SHCBP1: variants seen among roughly 807,000 people sequenced by gnomAD.
SHCBP1 encodes SHC SH2 domain-binding protein 1.
SHCBP1 carries 60 observed loss-of-function variants against 75.1 expected under a neutral mutation model. The observed-to-expected ratio is 0.80, with a 90% CI of 0.65 to 0.99. SHCBP1 has a LOEUF of 0.99. Among genes scored for constraint, SHCBP1 ranks in the 50% least tolerant of loss-of-function variants. The pLI is 0.00. For synonymous variants in SHCBP1, 290 were observed against 293.2 expected (o/e 0.99, Z 0.11); for missense variants, 709 against 809.4 (o/e 0.88, Z 1.50).
chr16:46,617,625 T>G lies in SHCBP1; in HGVS notation c.387+9A>C. On this transcript the variant is annotated intron_variant, in intron 3 of 12. Transcript: ENST00000303383. The stretch of plus-strand genomic sequence containing the variant: ...AGAGACAAAGGTCTAATAACAAAAT[T>G]AACCTTACCTCAACCAGCACCTTGA... 1 of 1,610,992 alleles carries G rather than the reference T, an allele frequency of 6.2e-7. No individual in the cohort carries two copies. The highest frequency in any genetic ancestry group is 1.3e-5 in the African/African-American group (1 of 74,962).
chr16:46,597,402 T>TA (rs1965160684), intron 9 of SHCBP1, among the ~76,000 whole-genome samples: 1 of 151,716 alleles, frequency 6.6e-6, no homozygotes, highest in Non-Finnish European at 1.5e-5. Context: ...AGACTGTCTC[T>TA]AAAAACAAAA....
chr16:46,583,942 C>A (rs1964910056), intron 11 of SHCBP1, 61 bp downstream of exon 11: 1 of 1,387,910 alleles, frequency 7.2e-7, no homozygotes, highest in Non-Finnish European at 1.0e-6. Context: ...TTTAATAAAG[C>A]ATAATTTGTA....
At position 46,581,647 on chromosome 16, in the gene SHCBP1, C is replaced by T; in HGVS notation, c.*82G>A. The T allele has an allele frequency of 2.4e-6, 3 of 1,255,734 alleles. No individual in the cohort carries two copies. The highest frequency in any genetic ancestry group is 4.7e-5 in the East Asian group (2 of 42,870). The allele number at this position is 1,255,734 out of a possible 1,614,324, so 77.8% of individuals were successfully genotyped here. ...AATCAAATATAAAATACAGACAATA[C>T]AGCAAACTACAATGGCAGCAGTGAT... On this transcript the variant is annotated 3_prime_UTR_variant, in exon 13 of 13. Transcript: ENST00000303383.
intron 10 of SHCBP1, among the ~76,000 whole-genome samples, chr16:46,589,103 C>T (rs1003844694): frequency 1.3e-5 from 2 of 152,136 alleles, no homozygotes; most frequent in African/African-American, 4.8e-5. Flanking sequence ...CAGAAAAGGC[C>T]TTCAACAAAA....
At position 46,580,561 on chromosome 16, in the gene SHCBP1, AT is replaced by A. The variant is rs1215349691; in HGVS notation, c.*1167del. The stretch of plus-strand genomic sequence containing the variant: ...AGATATAACAAGATTCAATTTTGTT[AT>A]TTCATCACTATAATTTTAATCATTA... On this transcript the variant is annotated 3_prime_UTR_variant, in exon 13 of 13. Transcript: ENST00000303383. 6.6e-6 allele frequency: 1 copy of A among 152,254 alleles called. No individual in the cohort carries two copies. Among genetic ancestry groups the A allele is most frequent in the African/African-American group, 2.4e-5 (1 of 41,564 alleles). The allele number at this position is 152,254 out of a possible 1,614,324, so 9.4% of individuals were successfully genotyped here.
intron 4 of SHCBP1, among the ~76,000 whole-genome samples, chr16:46,610,706 G>A (rs950640838): frequency 2.6e-5 from 4 of 151,064 alleles, no homozygotes; most frequent in Admixed American, 1.3e-4. Context: ...TTACAGGCAC[G>A]CGCTACCACG....
chr16:46,583,884 T>C, intron 11 of SHCBP1, 119 bp downstream of exon 11: 1 of 946,206 alleles, frequency 1.1e-6, no homozygotes, highest in African/African-American at 1.7e-5. Context: ...ATTATCAAAA[T>C]GTGTACACTG....
chr16:46,610,013 C>T (rs1384286036), intron 4 of SHCBP1, among the ~76,000 whole-genome samples: 3 of 151,188 alleles, frequency 2.0e-5, no homozygotes, highest in Non-Finnish European at 4.4e-5. Flanking sequence ...TGCAACGGTG[C>T]GATCTCGTCT....
At position 46,617,651 on chromosome 16, in the gene SHCBP1, A is replaced by ACACATTAG. The variant is rs747305969; in HGVS notation, c.362_369dup (p.Phe124LeufsTer18). 3 of 1,613,980 alleles carry ACACATTAG rather than the reference A, an allele frequency of 1.9e-6. No individual in the cohort carries two copies. The highest frequency in any genetic ancestry group is 2.5e-6 in the Non-Finnish European group (3 of 1,179,990). ...AACCTTACCTCAACCAGCACCTTGAACACATTAGTGTGCCAGACTGCCCGC... is the reference window on the plus strand; with the variant it reads ...AACCTTACCTCAACCAGCACCTTGAACACATTAGCACATTAGTGTGCCAGACTGCCCGC... On this transcript the variant is annotated frameshift_variant, in exon 3 of 13. Transcript: ENST00000303383. LOFTEE classifies it high-confidence loss of function.
intron 9 of SHCBP1, among the ~76,000 whole-genome samples, chr16:46,599,316 TTGAA>T (rs964094740): frequency 6.6e-6 from 1 of 152,166 alleles, no homozygotes; most frequent in Admixed American, 6.5e-5. Flanking sequence ...TTCCTTTCAC[TTGAA>T]CACATAGATG....
chr16:46,597,982 G>T (rs1162672447), intron 9 of SHCBP1, among the ~76,000 whole-genome samples: 1 of 152,138 alleles, frequency 6.6e-6, no homozygotes, highest in Non-Finnish European at 1.5e-5. Context: ...TTCCAATTTT[G>T]TTATAAGATT....
chr16:46,582,619 A>G (rs901375899), intron 12 of SHCBP1, among the ~76,000 whole-genome samples: 4 of 152,234 alleles, frequency 2.6e-5, no homozygotes, highest in African/African-American at 9.6e-5. Context: ...GCAAACAGCC[A>G]GCAGCCAGCA....
intron 4 of SHCBP1, among the ~76,000 whole-genome samples, chr16:46,613,455 C>T (rs1292214519): frequency 1.3e-5 from 2 of 152,170 alleles, no homozygotes; most frequent in African/African-American, 4.8e-5. Context: ...CACTGTCTGG[C>T]CCCTGCCAGC....
chr16:46,610,385 C>T (rs917227602), intron 4 of SHCBP1, among the ~76,000 whole-genome samples: 2 of 151,866 alleles, frequency 1.3e-5, no homozygotes, highest in Admixed American at 6.6e-5. Context: ...TTGACTTGTT[C>T]CAATCAGGCA....
At chr16:46,599,552 T>C (rs182263997) in intron 9 of SHCBP1, among the ~76,000 whole-genome samples, 9 of 151,724 alleles carry the variant, frequency 5.9e-5, no homozygotes, top group African/African-American at 2.2e-4. Context: ...ATCAGCATAT[T>C]ATCTATATTG....
rs754658843 is a variant in SHCBP1, at chr16:46,581,566, T to C, written c.*163A>G. 1.4e-5 allele frequency: 9 copies of C among 628,672 alleles called. No homozygotes were observed. The highest frequency in any genetic ancestry group is 2.2e-5 in the Non-Finnish European group (8 of 369,030). The allele number at this position is 628,672 out of a possible 1,614,324, so 38.9% of individuals were successfully genotyped here. ...TGATTTTTCTTATAAAGAGGGAGTG[T>C]TTTATGTGCAACACCTGCAAATGGA... On this transcript the variant is annotated 3_prime_UTR_variant, in exon 13 of 13. Coordinates refer to ENST00000303383, the MANE Select transcript of SHCBP1 (RefSeq NM_024745.5).
At chr16:46,618,457 C>T in intron 1 of SHCBP1, 85 bp from the exon 2 acceptor site, 1 of 1,365,420 alleles carries the variant, frequency 7.3e-7, no homozygotes, top group Non-Finnish European at 9.7e-7. Context: ...AAATCCCAAA[C>T]AAAATACAAA....
chr16:46,584,448 T>A (rs189652232), intron 10 of SHCBP1, among the ~76,000 whole-genome samples: 12 of 152,326 alleles, frequency 7.9e-5, no homozygotes, highest in African/African-American at 2.6e-4. Flanking sequence ...GACACACTTA[T>A]TCAAAATGAC....
intron 4 of SHCBP1, among the ~76,000 whole-genome samples, 195 bp downstream of exon 4, chr16:46,615,751 A>AT (rs1298179257): frequency 1.3e-5 from 2 of 152,202 alleles, no homozygotes; most frequent in Non-Finnish European, 2.9e-5. Context: ...AAATTAAAAA[A>AT]TAAAAAAAAA....
Sources: gnomAD v4.1 joint callset for allele counts (sites outside exome capture counted in the v4.1 genomes callset) on GRCh38, gnomAD v4.1.1 for gene constraint, MANE v1.5 for transcripts, NCBI Gene and HGNC (gene_info 2026-07-23, HGNC 2026-07-21) for gene names.